The following SYT9 variants were observed in gnomAD, a reference collection of about 807,000 sequenced individuals.
The protein encoded by SYT9 is synaptotagmin 9, also known as synaptotagmin-9.
In SYT9, 22 loss-of-function variants were observed where a neutral mutation model predicts 48.4. The ratio of observed to expected loss-of-function variants is 0.45; its 90% CI spans 0.32 to 0.65. The LOEUF (loss-of-function observed/expected upper bound fraction) is 0.65. SYT9 is among the 30% of genes least tolerant of loss of function. The pLI is 0.03. For synonymous variants in SYT9, 265 were observed against 245.0 expected (o/e 1.08, Z -0.76); for missense variants, 577 against 622.0 (o/e 0.93, Z 0.77).
chr11:7,439,267 T>C (rs1287448525), intron 6 of SYT9: 1 of 152,248 alleles, frequency 6.6e-6, no homozygotes, highest in Admixed American at 6.5e-5. Context: ...AGTGTCATGA[T>C]GGTGTGAGAC....
intron 1 of SYT9, among the ~76,000 whole-genome samples, chr11:7,275,150 A>G (rs1018885763): frequency 6.6e-6 from 1 of 151,996 alleles, no homozygotes; most frequent in African/African-American, 2.4e-5. Context: ...CTCCTTGTCC[A>G]CCAGCCCTGC....
intron 1 of SYT9, among the ~76,000 whole-genome samples, chr11:7,254,678 A>G (rs1847934552): frequency 6.6e-6 from 1 of 152,178 alleles, no homozygotes; most frequent in African/African-American, 2.4e-5. Flanking sequence ...TTTTTCTGGA[A>G]AGGAATCCAC....
At chr11:7,254,779 G>A (rs1396088088) in intron 1 of SYT9, among the ~76,000 whole-genome samples, 4 of 152,132 alleles carry the variant, frequency 2.6e-5, no homozygotes, top group Non-Finnish European at 4.4e-5. Context: ...AAGGACTTTG[G>A]TTATAAAAGG....
intron 3 of SYT9, among the ~76,000 whole-genome samples, chr11:7,412,659 C>A (rs905657901): frequency 6.6e-6 from 1 of 152,146 alleles, no homozygotes; most frequent in African/African-American, 2.4e-5. Context: ...TTCCAGGTGG[C>A]TTGCTGAAAT....
intron 1 of SYT9, among the ~76,000 whole-genome samples, chr11:7,272,482 G>GTT (rs545448737): frequency 6.7e-6 from 1 of 149,724 alleles, no homozygotes; most frequent in Admixed American, 6.7e-5. Flanking sequence ...TTTTATTGGT[G>GTT]TTTTTTTTTC....
intron 2 of SYT9, among the ~76,000 whole-genome samples, chr11:7,303,693 C>T (rs1022796856): frequency 6.6e-6 from 1 of 152,154 alleles, no homozygotes; most frequent in African/African-American, 2.4e-5. Context: ...TCTTATTTTA[C>T]AGCAGAAGAA....
chr11:7,418,181 G>T, intron 5 of SYT9, 53 bp downstream of exon 5: 1 of 1,580,366 alleles, frequency 6.3e-7, no homozygotes, highest in Non-Finnish European at 8.6e-7. Flanking sequence ...CCAGGACTGG[G>T]AAGGCAGAGG....
At chr11:7,331,440 A>G (rs1849529205) in intron 3 of SYT9, among the ~76,000 whole-genome samples, 1 of 151,916 alleles carries the variant, frequency 6.6e-6, no homozygotes, top group African/African-American at 2.4e-5. Context: ...CACATTCTCT[A>G]CCTATAATAA....
chr11:7,435,914 G>T (rs1847697975), intron 6 of SYT9: 1 of 152,224 alleles, frequency 6.6e-6, no homozygotes, highest in Admixed American at 6.5e-5. Flanking sequence ...CCAGGAGGCA[G>T]AGGTTGCAGT....
intron 2 of SYT9, among the ~76,000 whole-genome samples, chr11:7,305,701 T>A (rs1230492951): frequency 6.6e-6 from 1 of 152,206 alleles, no homozygotes; most frequent in Non-Finnish European, 1.5e-5. Context: ...CTCATTATGT[T>A]CTTTACTTTC....
chr11:7,381,652 T>C (rs1479119476), intron 3 of SYT9, among the ~76,000 whole-genome samples: 1 of 152,186 alleles, frequency 6.6e-6, no homozygotes, highest in African/African-American at 2.4e-5. Flanking sequence ...CCTGACTGTT[T>C]GGGACGTGTT....
At chr11:7,409,333 T>C (rs1449262315) in intron 3 of SYT9, among the ~76,000 whole-genome samples, 1 of 152,190 alleles carries the variant, frequency 6.6e-6, no homozygotes, top group East Asian at 1.9e-4. Flanking sequence ...TGTAGTTTTC[T>C]TTTTTGTTGT....
chr11:7,245,575 A>G (rs1237983956), intron 1 of SYT9, among the ~76,000 whole-genome samples: 1 of 152,182 alleles, frequency 6.6e-6, no homozygotes, highest in Non-Finnish European at 1.5e-5. Context: ...CTGCTGTAAC[A>G]GGATACCTGA....
chr11:7,244,634 A>T (rs1336794615), intron 1 of SYT9, among the ~76,000 whole-genome samples: 1 of 152,238 alleles, frequency 6.6e-6, no homozygotes, highest in Admixed American at 6.5e-5. Context: ...ACTAGGAGGT[A>T]GCATGGGTTC....
chr11:7,361,760 T>C (rs959371882), intron 3 of SYT9, among the ~76,000 whole-genome samples: 1 of 152,210 alleles, frequency 6.6e-6, no homozygotes, highest in South Asian at 2.1e-4. Flanking sequence ...CAGCTGCATG[T>C]TGTGGAAAAT....
At chr11:7,250,098 T>C (rs1311120793), upstream of SYT9, among the ~76,000 whole-genome samples, 1 of 152,158 alleles carries the variant, frequency 6.6e-6, no homozygotes, top group Non-Finnish European at 1.5e-5. Flanking sequence ...TGATTGCCAG[T>C]CTTCACTCTC....
chr11:7,349,624 A>G (rs1282438514), intron 3 of SYT9, among the ~76,000 whole-genome samples: 2 of 152,120 alleles, frequency 1.3e-5, no homozygotes, highest in Non-Finnish European at 2.9e-5. Context: ...CTATCACCCT[A>G]CCAACGTCTG....
intron 1 of SYT9, among the ~76,000 whole-genome samples, chr11:7,299,247 G>C (rs1368770123): frequency 2.0e-5 from 3 of 152,118 alleles, no homozygotes; most frequent in Non-Finnish European, 2.9e-5. Flanking sequence ...ATTTTTGGAG[G>C]TCATGGGTCT....
chr11:7,364,605 T>G (rs1026543725), intron 3 of SYT9, among the ~76,000 whole-genome samples: 2 of 152,074 alleles, frequency 1.3e-5, no homozygotes, highest in African/African-American at 4.8e-5. Context: ...ATTTGAAAAA[T>G]TAAAAGAGTA....
Sources: allele counts gnomAD v4.1 joint callset (sites outside exome capture counted in the v4.1 genomes callset), GRCh38; gene constraint gnomAD v4.1.1; transcripts MANE v1.5; gene names NCBI Gene and HGNC (gene_info 2026-07-23, HGNC 2026-07-21).